The following LRP2 variants were observed in gnomAD, a reference collection of about 807,000 sequenced individuals.
LRP2 encodes the protein low-density lipoprotein receptor-related protein 2.
Under a neutral mutation model 531.0 loss-of-function variants are expected in LRP2, and 172 were observed. That is an observed-to-expected ratio of 0.32 (90% CI 0.29 to 0.37). The LOEUF is 0.37. Ranked by LOEUF, LRP2 falls within the 10% of genes least tolerant of loss-of-function variation. The probability of loss-of-function intolerance (pLI) is 1.00; values close to 1 mark genes in which losing one functional copy is unlikely to be tolerated. For missense variants in LRP2, 5,167 were observed against 5,868.3 expected (o/e 0.88, Z 3.90); for synonymous variants, 1,992 against 2,027.6 (o/e 0.98, Z 0.47).
intron 67 of LRP2, 104 bp downstream of exon 67, chr2:169,152,695 G>A (rs1686188119): frequency 3.1e-6 from 4 of 1,306,666 alleles, no homozygotes; most frequent in Non-Finnish European, 4.4e-6. Context: ...ATGGCTGAGT[G>A]TACTCATATC....
Position 169,211,979 on chromosome 2 carries a change from A to G in LRP2, c.6269T>C (p.Val2090Ala), listed in dbSNP as rs565183720. 19 of 1,613,982 alleles carry G rather than the reference A, an allele frequency of 1.2e-5. No individual in the cohort carries two copies. In the African/African-American group the frequency reaches 2.3e-4, roughly 19 times the overall value. ...LSDHSETMVP[V>A]AGQGRNALHV... ...TGGAGTTGGCATACCTTGGCCTGCC[A>G]CCGGCACCATGGTTTCTGAATGATC... The change falls in exon 37 of 79, where the codon GTG becomes GCG. Residue 2090 changes from valine to alanine, a missense_variant. By Grantham distance (64) the Val-to-Ala change is moderately conservative. This residue lies in a region of LRP2 where 2,811 missense variants were observed against 3,058.0 expected (regional missense o/e 0.92). Coordinates refer to ENST00000649046, the MANE Select transcript of LRP2 (RefSeq NM_004525.3).
rs779457063 is a variant in LRP2 at position 169,178,003 on chromosome 2, T to C, written c.10193A>G (p.His3398Arg). The stretch of plus-strand genomic sequence containing the variant: ...TGCCCCATCATACACCGTGTGTCGA[T>C]GGTGGCCCTCCAAATCAGAGTACCT... ...YIEYSDLEGH[H>R]RHTVYDGALP... The change falls in exon 53 of 79, where the codon CAT becomes CGT. Residue 3398 changes from histidine to arginine, a missense_variant. By Grantham distance (29) the His-to-Arg change is conservative. Transcript: ENST00000649046. 1.9e-6 allele frequency: 3 copies of C among 1,613,882 alleles called. No homozygotes were observed. The highest frequency in any genetic ancestry group is 1.7e-5 in the Admixed American group (1 of 60,024).
In LRP2 at chr2:169,251,815, C is replaced by G. The variant is rs1271159106; in HGVS notation, c.2770+4291G>C. On this transcript the variant is annotated intron_variant, in intron 19 of 78. Transcript: ENST00000649046. ...AAAAATGATAAAGGGGATATCACCA[C>G]CGATCCCACAGAAATACAAACTACC... 2.4e-5 allele frequency among the ~76,000 whole-genome samples: 2 copies of G among 84,970 alleles called. 1 individual carries two copies. The highest frequency in any genetic ancestry group is 1.3e-4 in the African/African-American group (2 of 15,422). 55.7% of individuals were successfully genotyped at this position (84,970 alleles called of 152,430 possible).
At chr2:169,159,339 TC>T (rs1248548303) in intron 63 of LRP2, among the ~76,000 whole-genome samples, 1 of 152,150 alleles carries the variant, frequency 6.6e-6, no homozygotes, top group Non-Finnish European at 1.5e-5. Context: ...ACTCTCAGAG[TC>T]CTTTAGGGTA....
chr2:169,256,023 G>T (rs1690291377), intron 19 of LRP2, 83 bp downstream of exon 19: 1 of 1,458,062 alleles, frequency 6.9e-7, no homozygotes, highest in African/African-American at 1.4e-5. Flanking sequence ...CTGGGATTGT[G>T]AAAATGCCAC....
intron 1 of LRP2, among the ~76,000 whole-genome samples, chr2:169,359,507 G>A (rs1482803322): frequency 6.6e-6 from 1 of 152,220 alleles, no homozygotes; most frequent in Non-Finnish European, 1.5e-5. Flanking sequence ...TACCTAAAAG[G>A]TAGTGCTTAA....
chr2:169,133,562 T>C (rs931049435), intron 76 of LRP2, among the ~76,000 whole-genome samples: 2 of 148,308 alleles, frequency 1.3e-5, no homozygotes, highest in Admixed American at 6.8e-5. Context: ...AGTTTCTGTA[T>C]TAAAATGTGC....
At chr2:169,315,800 C>T (rs1684742377) in intron 3 of LRP2, among the ~76,000 whole-genome samples, 1 of 151,826 alleles carries the variant, frequency 6.6e-6, no homozygotes, top group Non-Finnish European at 1.5e-5. Flanking sequence ...TGCTGACACC[C>T]AAATGAGAGA....
intron 3 of LRP2, among the ~76,000 whole-genome samples, chr2:169,307,644 A>C (rs2105492899): frequency 6.6e-6 from 1 of 152,326 alleles, no homozygotes; most frequent in Admixed American, 6.5e-5. Flanking sequence ...TAAAGAATAC[A>C]ATATAGATTT....
chr2:169,151,149 A>G, intron 67 of LRP2, 123 bp from the exon 68 acceptor site: 1 of 979,214 alleles, frequency 1.0e-6, no homozygotes, highest in Non-Finnish European at 1.6e-6. Flanking sequence ...ACCTATCATC[A>G]GACCATAGTC....
intron 9 of LRP2, among the ~76,000 whole-genome samples, chr2:169,286,007 T>C (rs1006169175): frequency 7.9e-5 from 12 of 152,224 alleles, no homozygotes; most frequent in African/African-American, 2.4e-4. Flanking sequence ...TGAAATGAAA[T>C]GCTTGAGAGA....
chr2:169,164,794 A>G (rs961753031), intron 62 of LRP2, among the ~76,000 whole-genome samples: 2 of 152,176 alleles, frequency 1.3e-5, no homozygotes, highest in Non-Finnish European at 2.9e-5. Context: ...CTTGAAAAGA[A>G]TAGAAGTTTA....
At chr2:169,212,870 G>C (rs1174973397) in intron 36 of LRP2, among the ~76,000 whole-genome samples, 1 of 151,260 alleles carries the variant, frequency 6.6e-6, no homozygotes, top group Non-Finnish European at 1.5e-5. Context: ...CACCACTAAA[G>C]AACTTACTCA....
At position 169,246,849 on chromosome 2, in the gene LRP2, C is replaced by T. The variant is rs1342069896; in HGVS notation, c.3046G>A (p.Asp1016Asn). Residue 1016 changes from aspartate to asparagine, a missense_variant, in exon 21 of 79, where the codon GAC becomes AAC. Physicochemically the swap from Asp to Asn is conservative, Grantham distance 23 (BLOSUM62 1). Around this residue, in one of 6 missense-constraint regions of LRP2, gnomAD observed 2,811 missense variants for 3,058.0 expected, o/e 0.92. Coordinates refer to ENST00000649046, the MANE Select transcript of LRP2 (RefSeq NM_004525.3). ...LASNHLTCEG[D>N]PTNEPPTEQC... ...TCTGTGGGTGGTTCATTGGTTGGGT[C>T]CCCCTCGCATGTCAAGTGATTGGAA... is the stretch of plus-strand genomic sequence containing the variant. The T allele has an allele frequency of 1.2e-6, 2 of 1,614,074 alleles. No individual in the cohort carries two copies. The highest frequency in any genetic ancestry group is 1.7e-5 in the Admixed American group (1 of 60,018).
At position 169,269,462 on chromosome 2, in the gene LRP2, C is replaced by T. The variant is rs546319821; in HGVS notation, c.2320+1442G>A. Among the ~76,000 whole-genome samples the T allele has an allele frequency of 2.0e-5, 3 of 152,214 alleles. No individual in the cohort carries two copies. The South Asian group carries it at 6.2e-4, about 32-fold the overall frequency. On this transcript the variant is annotated intron_variant, in intron 16 of 78. Transcript: ENST00000649046. ...AGAAATGATATCACACATCTACAACCATCTGATCTTTGACAAACCTGACAA... is the reference window on the plus strand; with the variant it reads ...AGAAATGATATCACACATCTACAACTATCTGATCTTTGACAAACCTGACAA...
chr2:169,337,777 C>CA (rs765652767), intron 1 of LRP2, among the ~76,000 whole-genome samples: 1 of 152,162 alleles, frequency 6.6e-6, no homozygotes, highest in Non-Finnish European at 1.5e-5. Context: ...TATATGCACA[C>CA]AAGACAGCCC....
intron 25 of LRP2, among the ~76,000 whole-genome samples, chr2:169,240,211 G>A (rs1335249130): frequency 6.6e-6 from 1 of 152,186 alleles, no homozygotes; most frequent in East Asian, 1.9e-4. Context: ...AATCTATGAA[G>A]TGAACAAATC....
intron 46 of LRP2, among the ~76,000 whole-genome samples, chr2:169,196,044 C>T (rs1303562178): frequency 6.6e-6 from 1 of 152,138 alleles, no homozygotes; most frequent in Non-Finnish European, 1.5e-5. Context: ...GATACTATAA[C>T]CACTCAATGG....
chr2:169,177,724 C>T (rs768410944), intron 53 of LRP2, 79 bp downstream of exon 53: 89 of 1,236,654 alleles, frequency 7.2e-5, no homozygotes, highest in Middle Eastern at 1.9e-4. Flanking sequence ...TTGTAAATCA[C>T]GAAGTTCATG....
Sources: allele counts gnomAD v4.1 joint callset (sites outside exome capture counted in the v4.1 genomes callset), GRCh38; gene constraint gnomAD v4.1.1; regional missense constraint gnomAD v4.1.1; transcripts MANE v1.5; gene names NCBI Gene and HGNC (gene_info 2026-07-23, HGNC 2026-07-21).